The following VPS13D variants were observed in gnomAD, a reference collection of about 807,000 sequenced individuals.
VPS13D encodes intermembrane lipid transfer protein VPS13D.
VPS13D carries 187 observed loss-of-function variants against 461.9 expected under a neutral mutation model. That is an observed-to-expected ratio of 0.40 (90% confidence interval 0.36 to 0.46). The LOEUF is 0.46. VPS13D is among the 20% of genes least tolerant of loss of function. VPS13D has a pLI of 0.60. For missense variants in VPS13D, 4,711 were observed against 5,364.9 expected, an observed-to-expected ratio of 0.88 and a Z score of 3.81; for synonymous variants, 1,951 against 1,986.3, an observed-to-expected ratio of 0.98 and a Z score of 0.47.
chr1:12,271,016 T>C lies in VPS13D; in HGVS notation c.1995T>C (p.Leu665=). 6.2e-7 allele frequency: 1 copy of C among 1,613,894 alleles called. No individual in the cohort carries two copies. The highest frequency in any genetic ancestry group is 1.1e-5 in the South Asian group (1 of 91,074). The part of the protein sequence containing the change: ...HTSGFGYQSE[L]ELRVAEAARR... ...CAGGTTTTGGTTATCAGTCTGAACT[T>C]GAGCTGAGAGTGGCTGAAGCTGCCC... Residue 665 remains leucine (L), a synonymous_variant, in exon 17 of 70, where the codon CTT becomes CTC. Transcript: ENST00000620676.
chr1:12,298,104 G>A (rs952933125), intron 24 of VPS13D, among the ~76,000 whole-genome samples: 2 of 152,150 alleles, frequency 1.3e-5, no homozygotes, highest in Admixed American at 6.5e-5. Context: ...TTTCACCTCA[G>A]TTTCTGGGTG....
chr1:12,416,878 A>G (rs146692070), intron 65 of VPS13D, 51 bp downstream of exon 65: 2 of 1,525,900 alleles, frequency 1.3e-6, no homozygotes, highest in African/African-American at 1.4e-5. Flanking sequence ...CGAGTCCTCT[A>G]CAGTACTACA....
At chr1:12,449,363 C>T (rs781717319) in intron 65 of VPS13D, among the ~76,000 whole-genome samples, 30 of 151,820 alleles carry the variant, frequency 2.0e-4, no homozygotes, top group Non-Finnish European at 3.5e-4. Flanking sequence ...AGAAATGCTT[C>T]CTTCTTGCCA....
intron 57 of VPS13D, among the ~76,000 whole-genome samples, chr1:12,382,253 A>C (rs1286590675): frequency 6.6e-6 from 1 of 151,782 alleles, no homozygotes; most frequent in African/African-American, 2.4e-5. Context: ...AGTTGCCTGC[A>C]ACCATGCCTG....
chr1:12,378,356 C>T (rs1644229616), intron 55 of VPS13D, 72 bp from the exon 56 acceptor site: 1 of 1,419,426 alleles, frequency 7.0e-7, no homozygotes, highest in East Asian at 2.5e-5. Flanking sequence ...CTAGAGGAAG[C>T]TCTTGAAGTG....
intron 60 of VPS13D, among the ~76,000 whole-genome samples, chr1:12,389,905 A>G (rs1176834420): frequency 6.6e-6 from 1 of 152,234 alleles, no homozygotes; most frequent in Admixed American, 6.5e-5. Context: ...TATTCCATGC[A>G]TAATCTTCCT....
intron 27 of VPS13D, 95 bp from the exon 28 acceptor site, chr1:12,311,359 G>T (rs1459009781): frequency 8.6e-7 from 1 of 1,169,556 alleles, no homozygotes; most frequent in African/African-American, 1.5e-5. Context: ...TGATAATGTA[G>T]GTGAGTACAT....
At chr1:12,252,074 C>T (rs886921970) in intron 6 of VPS13D, among the ~76,000 whole-genome samples, 1 of 152,104 alleles carries the variant, frequency 6.6e-6, no homozygotes, top group Non-Finnish European at 1.5e-5. Context: ...GTGGCCTTCT[C>T]CTTGTGTCCT....
At chr1:12,357,452 A>G (rs1643895676) in intron 49 of VPS13D, among the ~76,000 whole-genome samples, 1 of 152,340 alleles carries the variant, frequency 6.6e-6, no homozygotes, top group African/African-American at 2.4e-5. Context: ...CATGTGTCAC[A>G]CAGTGTGTTT....
chr1:12,491,879 A>T (rs1178118803), intron 67 of VPS13D, among the ~76,000 whole-genome samples: 1 of 152,250 alleles, frequency 6.6e-6, no homozygotes, highest in Non-Finnish European at 1.5e-5. Flanking sequence ...CTGAGGGCTT[A>T]ACATGGCCGA....
In VPS13D at chr1:12,319,604, T is replaced by C; in HGVS notation, c.7522T>C (p.Phe2508Leu). 1 of 1,614,180 alleles carries C rather than the reference T, an allele frequency of 6.2e-7. No homozygotes were observed. The highest frequency in any genetic ancestry group is 2.2e-5 in the East Asian group (1 of 44,880). ...TYKPRFVDRP[F>L]SGSLFGIEVF... ...TAAGCCCCGGTTTGTTGATCGCCCCTTTTCAGGAAGTTTGTTTGGCATTGA... is the reference window on the plus strand; with the variant it reads ...TAAGCCCCGGTTTGTTGATCGCCCCCTTTCAGGAAGTTTGTTTGGCATTGA... Residue 2508 changes from phenylalanine to leucine, a missense_variant, in exon 32 of 70, where the codon TTT becomes CTT. By Grantham distance (22) the Phe-to-Leu change is conservative. This residue lies in a region of VPS13D where 4,411 missense variants were observed against 4,937.8 expected (regional missense o/e 0.89). Transcript: ENST00000620676.
At position 12,355,939 on chromosome 1, in the gene VPS13D, C is replaced by A. The variant is rs185268070; in HGVS notation, c.9720C>A (p.Leu3240=). ...LENFPLCKEL[L]IPPGTQNYMV... The stretch of plus-strand genomic sequence containing the variant: ...ATTTCCCCCTCTGTAAAGAATTGCT[C>A]ATTCCACCTGGAACCCAAAACTATA... The change falls in exon 48 of 70, where the codon CTC becomes CTA. Residue 3240 remains leucine (L), a synonymous_variant. Coordinates refer to ENST00000620676, the MANE Select transcript of VPS13D (RefSeq NM_015378.4). The A allele has an allele frequency of 3.1e-6, 5 of 1,609,470 alleles. No homozygotes were observed. The East Asian group carries it at 1.1e-4, about 36-fold the overall frequency.
chr1:12,305,727 G>T (rs1345221361), intron 26 of VPS13D, among the ~76,000 whole-genome samples: 2 of 152,204 alleles, frequency 1.3e-5, no homozygotes, highest in Non-Finnish European at 2.9e-5. Flanking sequence ...CAAGATGCAG[G>T]ACACTAGCTG....
intron 67 of VPS13D, among the ~76,000 whole-genome samples, chr1:12,464,709 G>A (rs918062787): frequency 6.6e-6 from 1 of 152,064 alleles, no homozygotes; most frequent in Non-Finnish European, 1.5e-5. Flanking sequence ...AGGAAGGCAG[G>A]TGGGGGTGGG....
chr1:12,392,942 G>T (rs141257977), intron 60 of VPS13D, among the ~76,000 whole-genome samples: 1 of 152,150 alleles, frequency 6.6e-6, no homozygotes, highest in African/African-American at 2.4e-5. Flanking sequence ...TAAATGGGCC[G>T]GAGTAATACA....
rs181362708 is a variant in VPS13D at position 12,304,944 on chromosome 1, C to T, written c.6439+216C>T. Among the ~76,000 whole-genome samples, 95 of 152,100 alleles carry T rather than the reference C, an allele frequency of 6.2e-4. 1 individual carries two copies. Among genetic ancestry groups the T allele is most frequent in the Non-Finnish European group, 4.9e-4 (33 of 67,996 alleles). On this transcript the variant is annotated intron_variant, in intron 26 of 69. Coordinates refer to ENST00000620676, the MANE Select transcript of VPS13D (RefSeq NM_015378.4). ...CTTGTAAAGTAGGGTTAAATTAGCA[C>T]GATATAGTGTAATTAAAGAGATTTT...
chr1:12,315,590 T>G (rs911326862), intron 30 of VPS13D, among the ~76,000 whole-genome samples: 1 of 152,218 alleles, frequency 6.6e-6, no homozygotes, highest in African/African-American at 2.4e-5. Flanking sequence ...TAAGGGTTAG[T>G]TCACTCTTCT....
intron 60 of VPS13D, among the ~76,000 whole-genome samples, chr1:12,394,015 G>C (rs143772718): frequency 6.6e-6 from 1 of 152,128 alleles, no homozygotes; most frequent in Non-Finnish European, 1.5e-5. Flanking sequence ...TCCTGTATCC[G>C]CGAAATGTCT....
At chr1:12,247,699 C>G (rs1640602342) in intron 5 of VPS13D, among the ~76,000 whole-genome samples, 1 of 149,730 alleles carries the variant, frequency 6.7e-6, no homozygotes, top group Non-Finnish European at 1.5e-5. Context: ...AATCCTTTGC[C>G]ACAATTTTTT....
Sources: gnomAD v4.1 joint callset for allele counts (sites outside exome capture counted in the v4.1 genomes callset) on GRCh38, gnomAD v4.1.1 for gene constraint, gnomAD v4.1.1 regional missense constraint, MANE v1.5 for transcripts, NCBI Gene and HGNC (gene_info 2026-07-23, HGNC 2026-07-21) for gene names.